Variants in ARHGEF3 observed in about 807,000 individuals in gnomAD.
The protein encoded by ARHGEF3 is 59.8 kDA protein.
In ARHGEF3, 28 loss-of-function variants were observed where a neutral mutation model predicts 63.2. That is an observed-to-expected ratio of 0.44 (90% CI 0.33 to 0.61). The LOEUF is 0.61. Among genes scored for constraint, ARHGEF3 ranks in the 20% least tolerant of loss-of-function variants. The pLI, the probability that ARHGEF3 is intolerant of heterozygous loss-of-function variation, is 0.03. For synonymous variants in ARHGEF3, 266 were observed against 254.2 expected (o/e 1.05, Z -0.44); for missense variants, 533 against 659.3 (o/e 0.81, Z 2.10).
intron 1 of ARHGEF3, among the ~76,000 whole-genome samples, chr3:57,035,473 C>T (rs1207483931): frequency 1.3e-5 from 2 of 152,180 alleles, no homozygotes; most frequent in African/African-American, 4.8e-5. Context: ...CTCAGCCTCC[C>T]GAGTAGCTGA....
intron 4 of ARHGEF3, among the ~76,000 whole-genome samples, chr3:56,836,494 G>A (rs907829703): frequency 6.6e-6 from 1 of 152,154 alleles, no homozygotes; most frequent in African/African-American, 2.4e-5. Flanking sequence ...CACCCACAGA[G>A]TCCCTACAAT....
intron 3 of ARHGEF3, among the ~76,000 whole-genome samples, chr3:56,893,953 A>G (rs2041212543): frequency 6.6e-6 from 1 of 152,060 alleles, no homozygotes; most frequent in South Asian, 2.1e-4. Context: ...AAGAGTTTAA[A>G]TGACTTGACT....
chr3:56,768,097 C>A (rs541497644), intron 2 of ARHGEF3, among the ~76,000 whole-genome samples: 12 of 152,170 alleles, frequency 7.9e-5, no homozygotes, highest in African/African-American at 2.9e-4. Context: ...CAGTCTGTCA[C>A]CCAGGCTGGA....
intron 2 of ARHGEF3, 30 bp from the exon 3 acceptor site, chr3:56,755,181 G>C (rs1401006483): frequency 1.2e-6 from 2 of 1,607,260 alleles, no homozygotes; most frequent in Admixed American, 3.3e-5. Flanking sequence ...AACCATCACG[G>C]GGGCAGCGGC....
chr3:56,741,176 C>T (rs2033989808), intron 7 of ARHGEF3, among the ~76,000 whole-genome samples: 1 of 138,576 alleles, frequency 7.2e-6, no homozygotes. Flanking sequence ...TATCTCTCTG[C>T]TTTGGTTCTT....
intron 3 of ARHGEF3, among the ~76,000 whole-genome samples, chr3:56,957,716 A>G (rs181145512): frequency 1.8e-4 from 27 of 152,250 alleles, no homozygotes; most frequent in African/African-American, 6.0e-4. Context: ...CAAGGCTGAG[A>G]CCCAGTGGGT....
intron 4 of ARHGEF3, among the ~76,000 whole-genome samples, chr3:56,835,915 C>T (rs990676758): frequency 1.3e-5 from 2 of 152,214 alleles, no homozygotes; most frequent in Non-Finnish European, 2.9e-5. Flanking sequence ...AAAAGGATTT[C>T]TCAGAGAGTC....
intron 1 of ARHGEF3, among the ~76,000 whole-genome samples, chr3:56,794,722 C>T (rs2037261788): frequency 6.6e-6 from 1 of 152,162 alleles, no homozygotes; most frequent in African/African-American, 2.4e-5. Flanking sequence ...CACACATCCT[C>T]TTACACTTTA....
chr3:56,856,745 G>A (rs1265822619), intron 4 of ARHGEF3, among the ~76,000 whole-genome samples: 1 of 138,868 alleles, frequency 7.2e-6, no homozygotes, highest in Admixed American at 7.6e-5. Context: ...CATCAAGATA[G>A]TGGCTGACAC....
At chr3:56,760,717 A>G (rs2035369382) in intron 2 of ARHGEF3, among the ~76,000 whole-genome samples, 1 of 152,160 alleles carries the variant, frequency 6.6e-6, no homozygotes, top group African/African-American at 2.4e-5. Context: ...TGGGGACTGC[A>G]TCTACTGTTT....
chr3:57,065,941 C>T (rs964670046), intron 1 of ARHGEF3, among the ~76,000 whole-genome samples: 1 of 151,716 alleles, frequency 6.6e-6, no homozygotes, highest in African/African-American at 2.4e-5. Context: ...AAGAGCTGGG[C>T]ACAGTAATTC....
At chr3:56,870,566 C>A (rs574043120) in intron 4 of ARHGEF3, among the ~76,000 whole-genome samples, 13 of 152,204 alleles carry the variant, frequency 8.5e-5, no homozygotes, top group African/African-American at 3.1e-4. Flanking sequence ...CACTTTTGTA[C>A]AAACCCATGG....
chr3:56,872,319 T>C (rs748351126), intron 4 of ARHGEF3, among the ~76,000 whole-genome samples: 7 of 152,210 alleles, frequency 4.6e-5, no homozygotes, highest in Non-Finnish European at 7.3e-5. Flanking sequence ...TCCATACTTC[T>C]TCCTTTATAT....
intron 2 of ARHGEF3, among the ~76,000 whole-genome samples, chr3:56,991,133 A>C (rs1422592026): frequency 6.6e-6 from 1 of 152,132 alleles, no homozygotes; most frequent in Non-Finnish European, 1.5e-5. Flanking sequence ...CCATTACCCT[A>C]GTCCCTCTCA....
At position 56,852,453 on chromosome 3, in the gene ARHGEF3, A is replaced by G. The variant is rs2039711632; in HGVS notation, c.192+29839T>C. 1.3e-5 allele frequency among the ~76,000 whole-genome samples: 2 copies of G among 152,166 alleles called. 1 individual carries two copies. Among genetic ancestry groups the G allele is most frequent in the Non-Finnish European group, 2.9e-5 (2 of 68,022 alleles). ...CTGCTGGACCTACCACACTGACCCTATTGCAGTACCAGTCCCCAGAAGGTA... is the reference window on the plus strand; with the variant it reads ...CTGCTGGACCTACCACACTGACCCTGTTGCAGTACCAGTCCCCAGAAGGTA... On this transcript the variant is annotated intron_variant, in intron 4 of 12. Coordinates refer to the ARHGEF3 transcript ENST00000338458.
upstream of ARHGEF3, chr3:56,802,106 GC>G: frequency 2.2e-6 from 2 of 922,478 alleles, no homozygotes; most frequent in Non-Finnish European, 2.9e-6. Flanking sequence ...GGGCGGTCCC[GC>G]GGGTGGAGAG....
At chr3:56,738,647 T>C (rs1305053411) in intron 7 of ARHGEF3, among the ~76,000 whole-genome samples, 1 of 152,228 alleles carries the variant, frequency 6.6e-6, no homozygotes, top group Non-Finnish European at 1.5e-5. Flanking sequence ...TGGTGGTGGA[T>C]GCAGTGTTGT....
At chr3:56,897,490 G>GA (rs1342853374) in intron 3 of ARHGEF3, among the ~76,000 whole-genome samples, 1 of 151,752 alleles carries the variant, frequency 6.6e-6, no homozygotes, top group Non-Finnish European at 1.5e-5. Flanking sequence ...TAGATACAGG[G>GA]AAAAAACATG....
intron 6 of ARHGEF3, among the ~76,000 whole-genome samples, chr3:56,750,716 T>G (rs983532735): frequency 2.0e-5 from 3 of 151,240 alleles, no homozygotes; most frequent in Non-Finnish European, 4.4e-5. Flanking sequence ...AATAAATTTT[T>G]ATTGGAGTAT....
Sources: allele counts gnomAD v4.1 joint callset (sites outside exome capture counted in the v4.1 genomes callset), GRCh38; gene constraint gnomAD v4.1.1; transcripts MANE v1.5; gene names NCBI Gene and HGNC (gene_info 2026-07-23, HGNC 2026-07-21).